SNTG1: variants seen among roughly 807,000 people sequenced by gnomAD.
The protein encoded by SNTG1 is syntrophin gamma 1, also known as gamma-1-syntrophin.
In SNTG1, 39 loss-of-function variants were observed where a neutral mutation model predicts 74.7. The observed-to-expected ratio is 0.52, with a 90% CI of 0.40 to 0.68. The LOEUF (loss-of-function observed/expected upper bound fraction) is 0.68, where lower values mean the gene tolerates loss of function less well. Among genes scored for constraint, SNTG1 ranks in the 30% least tolerant of loss-of-function variants. The pLI, the probability that SNTG1 is intolerant of heterozygous loss-of-function variation, is 0.00. For synonymous variants in SNTG1, 254 were observed against 217.1 expected, an observed-to-expected ratio of 1.17 and a Z score of -1.49; for missense variants, 685 against 609.5, an observed-to-expected ratio of 1.12 and a Z score of -1.30.
intron 17 of SNTG1, among the ~76,000 whole-genome samples, chr8:50,732,916 T>C (rs970487793): frequency 6.6e-6 from 1 of 151,992 alleles, no homozygotes; most frequent in Non-Finnish European, 1.5e-5. Context: ...CTTTCTGCAA[T>C]ATTTTTTGTA....
At chr8:50,429,569 C>T (rs1209653614) in intron 4 of SNTG1, among the ~76,000 whole-genome samples, 1 of 152,084 alleles carries the variant, frequency 6.6e-6, no homozygotes, top group Admixed American at 6.6e-5. Context: ...GACATTGGTT[C>T]AGGCAATGGT....
At chr8:50,319,123 G>C (rs2090430553) in intron 2 of SNTG1, among the ~76,000 whole-genome samples, 1 of 152,012 alleles carries the variant, frequency 6.6e-6, no homozygotes, top group Admixed American at 6.6e-5. Flanking sequence ...CTATAGGAAA[G>C]CCAAGACAAA....
chr8:50,418,703 A>C (rs1206850743), intron 4 of SNTG1, among the ~76,000 whole-genome samples: 1 of 152,048 alleles, frequency 6.6e-6, no homozygotes, highest in Non-Finnish European at 1.5e-5. Context: ...ACTAAAACAT[A>C]AGCTTAAACA....
chr8:50,736,489 C>T (rs1399411810), intron 17 of SNTG1, among the ~76,000 whole-genome samples: 3 of 152,024 alleles, frequency 2.0e-5, no homozygotes, highest in African/African-American at 7.2e-5. Context: ...AATATTTTCA[C>T]ACCCCACTGT....
chr8:50,215,293 A>T (rs948455497), intron 2 of SNTG1, among the ~76,000 whole-genome samples: 2 of 151,494 alleles, frequency 1.3e-5, no homozygotes, highest in Non-Finnish European at 2.9e-5. Flanking sequence ...CATCTGGGAA[A>T]AGTTGTATGA....
At chr8:50,441,073 T>G (rs1296707283) in intron 5 of SNTG1, among the ~76,000 whole-genome samples, 1 of 152,118 alleles carries the variant, frequency 6.6e-6, no homozygotes, top group Non-Finnish European at 1.5e-5. Context: ...AGCATGGTAA[T>G]TCCTCACATC....
At chr8:50,630,828 A>G (rs1351343855) in intron 13 of SNTG1, among the ~76,000 whole-genome samples, 1 of 152,190 alleles carries the variant, frequency 6.6e-6, no homozygotes, top group Non-Finnish European at 1.5e-5. Flanking sequence ...GGAGAGAGAT[A>G]ACTTGTCCTT....
chr8:50,692,863 G>T (rs2095387761), intron 15 of SNTG1, among the ~76,000 whole-genome samples: 1 of 152,250 alleles, frequency 6.6e-6, no homozygotes, highest in Non-Finnish European at 1.5e-5. Flanking sequence ...AGCCTACAGA[G>T]GCAGGCAGGC....
At chr8:50,770,804 T>C (rs2095625158) in intron 18 of SNTG1, among the ~76,000 whole-genome samples, 1 of 151,932 alleles carries the variant, frequency 6.6e-6, no homozygotes, top group Non-Finnish European at 1.5e-5. Flanking sequence ...TGAGAATTGG[T>C]TGTTAAAACA....
chr8:50,029,599 G>A (rs970741439), intron 1 of SNTG1, among the ~76,000 whole-genome samples: 2 of 152,114 alleles, frequency 1.3e-5, no homozygotes, highest in Non-Finnish European at 2.9e-5. Flanking sequence ...GTGAGAACAT[G>A]TGAAACTTGT....
At chr8:50,566,819 A>G (rs1398519252) in intron 12 of SNTG1, among the ~76,000 whole-genome samples, 2 of 152,040 alleles carry the variant, frequency 1.3e-5, no homozygotes, top group Non-Finnish European at 2.9e-5. Flanking sequence ...TTCTCTAGTT[A>G]CTAGTTATGT....
intron 1 of SNTG1, among the ~76,000 whole-genome samples, chr8:50,157,216 G>A (rs2082280000): frequency 6.6e-6 from 1 of 152,056 alleles, no homozygotes; most frequent in African/African-American, 2.4e-5. Flanking sequence ...ATGCATAGCT[G>A]TGGTAGTATT....
chr8:50,148,671 A>G (rs2081958577), intron 1 of SNTG1, among the ~76,000 whole-genome samples: 1 of 151,996 alleles, frequency 6.6e-6, no homozygotes, highest in Non-Finnish European at 1.5e-5. Flanking sequence ...TGTTCTTGTG[A>G]TAGTTGGCTG....
chr8:50,040,731 T>C (rs1042016514), intron 1 of SNTG1, among the ~76,000 whole-genome samples: 1 of 152,158 alleles, frequency 6.6e-6, no homozygotes, highest in African/African-American at 2.4e-5. Flanking sequence ...AAAAATACAT[T>C]GATGAGAAAT....
chr8:50,137,967 C>T (rs1330388074), intron 1 of SNTG1, among the ~76,000 whole-genome samples: 3 of 152,126 alleles, frequency 2.0e-5, no homozygotes, highest in African/African-American at 4.8e-5. Context: ...GTCCTGAGTC[C>T]AATTCTTCAG....
intron 2 of SNTG1, among the ~76,000 whole-genome samples, chr8:50,316,062 A>G (rs1176527379): frequency 6.6e-6 from 1 of 152,164 alleles, no homozygotes; most frequent in East Asian, 1.9e-4. Context: ...TACAGACATC[A>G]TGTGACATGG....
rs1287675668 is a variant in SNTG1 at position 50,689,118 on chromosome 8, T to C, written c.1039-15482T>C. Among the ~76,000 whole-genome samples the C allele has an allele frequency of 3.4e-5, 5 of 147,336 alleles. No individual in the cohort carries two copies. In the East Asian group the frequency reaches 1.0e-3, roughly 30 times the overall value. ...TTGATTTTGTATCCTGAGACTTTGCTGAAGTTGCTTATCAGCTTAAGGAGA... is the reference window on the plus strand; with the variant it reads ...TTGATTTTGTATCCTGAGACTTTGCCGAAGTTGCTTATCAGCTTAAGGAGA... On this transcript the variant is annotated intron_variant, in intron 15 of 18. Coordinates refer to ENST00000642720, the MANE Select transcript of SNTG1 (RefSeq NM_018967.5).
At chr8:50,084,426 C>G (rs1217328302) in intron 1 of SNTG1, among the ~76,000 whole-genome samples, 1 of 151,994 alleles carries the variant, frequency 6.6e-6, no homozygotes, top group Non-Finnish European at 1.5e-5. Context: ...CACCACTGCA[C>G]TCCAGCCTGG....
chr8:50,622,408 G>T (rs1027527723), intron 13 of SNTG1, among the ~76,000 whole-genome samples: 11 of 151,960 alleles, frequency 7.2e-5, no homozygotes, highest in Admixed American at 6.6e-4. Flanking sequence ...TAATCTGTAG[G>T]TTTTTTTCCT....
Sources: gnomAD v4.1 joint callset for allele counts (sites outside exome capture counted in the v4.1 genomes callset) on GRCh38, gnomAD v4.1.1 for gene constraint, MANE v1.5 for transcripts, NCBI Gene and HGNC (gene_info 2026-07-23, HGNC 2026-07-21) for gene names.